Variants in NFKBIB observed in about 807,000 individuals in gnomAD.
The protein encoded by NFKBIB is NFKB inhibitor beta.
In NFKBIB, 16 loss-of-function variants were observed where a neutral mutation model predicts 32.1. The ratio of observed to expected loss-of-function variants is 0.50; its 90% CI spans 0.34 to 0.76. NFKBIB has a LOEUF of 0.76. Among genes scored for constraint, NFKBIB ranks in the 30% least tolerant of loss-of-function variants. The probability of loss-of-function intolerance (pLI) is 0.01; values close to 1 mark genes in which losing one functional copy is unlikely to be tolerated. For synonymous variants in NFKBIB, 222 were observed against 219.5 expected (o/e 1.01, Z -0.10); for missense variants, 437 against 514.9 (o/e 0.85, Z 1.46).
chr19:38,903,437 C>T (rs1423154972), intron 1 of NFKBIB, among the ~76,000 whole-genome samples: 1 of 151,982 alleles, frequency 6.6e-6, no homozygotes, highest in East Asian at 2.0e-4. Context: ...GCGCATGCCA[C>T]CATGCCTGGC....
Position 38,900,070 on chromosome 19 carries a change from C to A in NFKBIB, c.38C>A (p.Ala13Glu). ...GVACLGKAAD[A>E]DEWCDSGLGS... ...GCGTGCTTGGGAAAAGCTGCCGACG[C>A]AGATGAATGGTGCGACAGCGGCCTG... Residue 13 changes from alanine (A) to glutamate (E), a missense_variant, in exon 1 of 6, where the codon GCA becomes GAA. Coordinates refer to ENST00000313582, the MANE Select transcript of NFKBIB (RefSeq NM_002503.5). 1 of 1,513,998 alleles carries A rather than the reference C, an allele frequency of 6.6e-7. No individual in the cohort carries two copies. Among genetic ancestry groups the A allele is most frequent in the Non-Finnish European group, 8.8e-7 (1 of 1,133,456 alleles). 93.8% of individuals were successfully genotyped at this position (1,513,998 alleles called of 1,614,324 possible). A position where few individuals can be genotyped will look rare whatever the true frequency, so the allele number is the denominator to read the frequency against.
intron 5 of NFKBIB, 178 bp from the exon 6 acceptor site, chr19:38,908,553 A>G (rs1225266966): frequency 2.6e-4 from 346 of 1,317,438 alleles, no homozygotes; most frequent in Non-Finnish European, 3.3e-4. Context: ...AAAAAAAAAA[A>G]AAAAAGAAAG....
chr19:38,903,965 G>A (rs1974039051), intron 1 of NFKBIB, among the ~76,000 whole-genome samples: 1 of 152,080 alleles, frequency 6.6e-6, no homozygotes, highest in Admixed American at 6.6e-5. Context: ...GGCTACTCGG[G>A]AGGCTGAGGC....
chr19:38,908,127 G>A (rs2144742782), intron 5 of NFKBIB: 1 of 1,007,414 alleles, frequency 9.9e-7, no homozygotes, highest in Non-Finnish European at 1.2e-6. Context: ...CGCGGTGCTG[G>A]ATGATGGGTG....
chr19:38,900,664 A>T (rs932561768), intron 1 of NFKBIB, among the ~76,000 whole-genome samples: 1 of 152,214 alleles, frequency 6.6e-6, no homozygotes, highest in Non-Finnish European at 1.5e-5. Context: ...ATTCAAAGAG[A>T]GAGAATGTAA....
rs1008599029 is a variant in NFKBIB, at chr19:38,900,227, G to T, written c.179+16G>T. On this transcript the variant is annotated intron_variant, in intron 1 of 5. Coordinates refer to ENST00000313582, the MANE Select transcript of NFKBIB (RefSeq NM_002503.5). Reference sequence around the variant, plus strand: ...ATGGGGACACGTGAGTGAACCTTAGGCTGCCAAACGGAGCCCTAGGACCCG... The same window carrying T: ...ATGGGGACACGTGAGTGAACCTTAGTCTGCCAAACGGAGCCCTAGGACCCG... 1.3e-6 allele frequency: 2 copies of T among 1,581,760 alleles called. No individual in the cohort carries two copies. The highest frequency in any genetic ancestry group is 1.7e-6 in the Non-Finnish European group (2 of 1,168,466).
intron 5 of NFKBIB, 96 bp downstream of exon 5, chr19:38,907,755 C>A (rs1600151395): frequency 6.8e-7 from 1 of 1,462,170 alleles, no homozygotes; most frequent in Admixed American, 2.5e-5. Flanking sequence ...CGACCTTGGG[C>A]TGCTGTTAGA....
At position 38,905,757 on chromosome 19, in the gene NFKBIB, A is replaced by G. The variant is rs970946673; in HGVS notation, c.619+222A>G. Among the ~76,000 whole-genome samples the G allele has an allele frequency of 6.6e-6, 1 of 151,712 alleles. No individual in the cohort carries two copies. Among genetic ancestry groups the G allele is most frequent in the Non-Finnish European group, 1.5e-5 (1 of 67,892 alleles). ...ACCTGGAGGCCCCAGGTCACTTGGG[A>G]TGCAGACCTGTCACCCACAGACCCA... On this transcript the variant is annotated intron_variant, in intron 3 of 5. Coordinates refer to ENST00000313582, the MANE Select transcript of NFKBIB (RefSeq NM_002503.5). The surrounding 1 kb of genome is among the most constrained non-coding windows in gnomAD (Gnocchi z 5.5).
chr19:38,902,944 G>A lies in NFKBIB; in HGVS notation c.180-2071G>A, dbSNP rs1214833348. 7.9e-5 allele frequency among the ~76,000 whole-genome samples: 12 copies of A among 152,052 alleles called. No homozygotes were observed. The South Asian group carries it at 1.0e-3, about 13-fold the overall frequency. On this transcript the variant is annotated intron_variant, in intron 1 of 5. Coordinates refer to ENST00000313582, the MANE Select transcript of NFKBIB (RefSeq NM_002503.5). ...CAAAAAGTTAGCTGGCAGTGGTGGCGAGCGCCTGTAATCCCAGCTACTTGA... is the reference window on the plus strand; with the variant it reads ...CAAAAAGTTAGCTGGCAGTGGTGGCAAGCGCCTGTAATCCCAGCTACTTGA...
chr19:38,904,856 T>C (rs1472459949), intron 1 of NFKBIB, among the ~76,000 whole-genome samples, 159 bp from the exon 2 acceptor site: 1 of 152,158 alleles, frequency 6.6e-6, no homozygotes, highest in East Asian at 1.9e-4. Flanking sequence ...TCCACGAATT[T>C]GCTGATGAAA....
chr19:38,901,929 T>C (rs534155225), intron 1 of NFKBIB, among the ~76,000 whole-genome samples: 2 of 152,198 alleles, frequency 1.3e-5, no homozygotes, highest in South Asian at 2.1e-4. Context: ...TAATTTGATA[T>C]TGATATGATT....
chr19:38,899,802 G>T, upstream of NFKBIB: 2 of 681,598 alleles, frequency 2.9e-6, no homozygotes, highest in Non-Finnish European at 4.9e-6. Flanking sequence ...CAGCCATGTT[G>T]GTAAAGGGCG....
chr19:38,905,970 T>C lies in NFKBIB; in HGVS notation c.619+435T>C, dbSNP rs1463041735. ...TCCTCAGCCTCATGGGAAGAAGGGC[T>C]CATCTGCCCACAGCCCTGACATCCA... On this transcript the variant is annotated intron_variant, in intron 3 of 5. Coordinates refer to ENST00000313582, the MANE Select transcript of NFKBIB (RefSeq NM_002503.5). The surrounding 1 kb of genome is among the most constrained non-coding windows in gnomAD (Gnocchi z 5.5). Among the ~76,000 whole-genome samples the C allele has an allele frequency of 6.6e-6, 1 of 151,964 alleles. No homozygotes were observed. The highest frequency in any genetic ancestry group is 1.5e-5 in the Non-Finnish European group (1 of 67,966).
chr19:38,899,778 A>C (rs955060040), upstream of NFKBIB: 1 of 675,300 alleles, frequency 1.5e-6, no homozygotes. Context: ...GAGTCCCAGA[A>C]GGCGTGGCGT....
chr19:38,907,745 CG>C, intron 5 of NFKBIB, 86 bp downstream of exon 5: 1 of 1,466,430 alleles, frequency 6.8e-7, no homozygotes, highest in Admixed American at 2.5e-5. Context: ...AATTAGGCAC[CG>C]ACCTTGGGCT....
At chr19:38,907,378 C>A (rs1165250546) in intron 4 of NFKBIB, 21 bp from the exon 5 acceptor site, 10 of 1,590,666 alleles carry the variant, frequency 6.3e-6, no homozygotes, top group Non-Finnish European at 8.6e-6. Context: ...GCCCTCTGAC[C>A]TTTCTGTTGC....
At position 38,907,224 on chromosome 19, in the gene NFKBIB, A is replaced by T. The variant is rs766237895; in HGVS notation, c.623A>T (p.His208Leu). ...ACGCCAATCACTCTGTCCCCAGGCC[A>T]CACCCCACTCCACGTGGCCGTTATC... ...LQLEAENYEGHTPLHVAVIHK... is the reference protein window; with the variant it reads ...LQLEAENYEGLTPLHVAVIHK... Residue 208 changes from histidine (H) to leucine (L), a missense_variant, in exon 4 of 6, where the codon CAC becomes CTC. Physicochemically the swap from His to Leu is moderately conservative, Grantham distance 99 (BLOSUM62 -3). Coordinates refer to ENST00000313582, the MANE Select transcript of NFKBIB (RefSeq NM_002503.5). The T allele has an allele frequency of 1.2e-6, 2 of 1,611,350 alleles. No homozygotes were observed. The highest frequency in any genetic ancestry group is 2.7e-5 in the African/African-American group (2 of 74,796).
chr19:38,902,674 A>G (rs1436232843), intron 1 of NFKBIB, among the ~76,000 whole-genome samples: 2 of 152,210 alleles, frequency 1.3e-5, no homozygotes, highest in Admixed American at 1.3e-4. Context: ...TGAAATTCAT[A>G]TTTCAAGCTC....
At chr19:38,906,816 G>A (rs542031380) in intron 3 of NFKBIB, among the ~76,000 whole-genome samples, 2 of 152,114 alleles carry the variant, frequency 1.3e-5, no homozygotes, top group African/African-American at 4.8e-5. Flanking sequence ...TGCCCAGGCA[G>A]CTTCTTGAAC....
Sources: gnomAD v4.1 joint callset for allele counts (sites outside exome capture counted in the v4.1 genomes callset) on GRCh38, gnomAD v4.1.1 for gene constraint, Gnocchi (gnomAD v3.1) non-coding constraint, MANE v1.5 for transcripts, NCBI Gene and HGNC (gene_info 2026-07-23, HGNC 2026-07-21) for gene names.